PIK3R4: variants seen among roughly 807,000 people sequenced by gnomAD.
The protein encoded by PIK3R4 is phosphoinositide-3-kinase regulatory subunit 4, also known as phosphoinositide 3-kinase regulatory subunit 4.
Under a neutral mutation model 136.5 loss-of-function variants are expected in PIK3R4, and 46 were observed. The observed-to-expected ratio is 0.34, with a 90% CI of 0.27 to 0.43. The LOEUF is 0.43. PIK3R4 is among the 20% of genes least tolerant of loss of function. The pLI is 1.00. For missense variants in PIK3R4, 1,331 were observed against 1,649.5 expected, an observed-to-expected ratio of 0.81 and a Z score of 3.35; for synonymous variants, 557 against 566.7, an observed-to-expected ratio of 0.98 and a Z score of 0.24.
At chr3:130,684,715 G>T (rs2066479768) in intron 15 of PIK3R4, among the ~76,000 whole-genome samples, 1 of 152,230 alleles carries the variant, frequency 6.6e-6, no homozygotes, top group Admixed American at 6.5e-5. Flanking sequence ...AATGAATTTG[G>T]TAAGTCAAAA....
intron 2 of PIK3R4, among the ~76,000 whole-genome samples, chr3:130,737,617 G>A (rs1576464250): frequency 6.6e-6 from 1 of 152,066 alleles, no homozygotes; most frequent in South Asian, 2.1e-4. Flanking sequence ...CAGAGATCGG[G>A]CCACTACACT....
intron 3 of PIK3R4, among the ~76,000 whole-genome samples, 171 bp downstream of exon 3, chr3:130,735,698 A>T (rs1311220109): frequency 6.6e-6 from 1 of 152,220 alleles, no homozygotes; most frequent in Non-Finnish European, 1.5e-5. Flanking sequence ...TGAAGGGGAA[A>T]AAAACAGTAC....
intron 6 of PIK3R4, chr3:130,726,017 G>A: frequency 6.6e-6 from 1 of 152,148 alleles, no homozygotes; most frequent in East Asian, 1.9e-4. Context: ...AATGTGTCAT[G>A]AGTTTTAAAA....
At chr3:130,739,073 T>G (rs1450171988) in intron 2 of PIK3R4, among the ~76,000 whole-genome samples, 1 of 151,348 alleles carries the variant, frequency 6.6e-6, no homozygotes, top group East Asian at 2.0e-4. Flanking sequence ...TTGTTTGTTT[T>G]TTTGTTTTGT....
rs375991665 is a variant in PIK3R4 at position 130,718,502 on chromosome 3, G to A, written c.2014C>T (p.Arg672Cys). Residue 672 changes from arginine to cysteine, a missense_variant, in exon 8 of 20, where the codon CGT (arginine) becomes TGT (cysteine). By Grantham distance (180) the Arg-to-Cys change is radical. Transcript: ENST00000356763. The part of the protein sequence containing the change: ...PFLCHPNLWI[R>C]YGAVGFITVV... ...GTGATAAATCCCACGGCACCATAACGTATCCATAAATTGGGATGACACAGG... is the reference window on the plus strand; with the variant it reads ...GTGATAAATCCCACGGCACCATAACATATCCATAAATTGGGATGACACAGG... 85 of 1,613,596 alleles carry A rather than the reference G, an allele frequency of 5.3e-5. No homozygotes were observed. The highest frequency in any genetic ancestry group is 6.7e-5 in the East Asian group (3 of 44,862).
intron 10 of PIK3R4, among the ~76,000 whole-genome samples, chr3:130,707,420 T>C (rs758125058): frequency 1.3e-5 from 2 of 152,210 alleles, no homozygotes; most frequent in Middle Eastern, 3.2e-3. Flanking sequence ...AACCACTATA[T>C]CTAGTGAATA....
chr3:130,686,724 G>A (rs1189766909), intron 14 of PIK3R4, among the ~76,000 whole-genome samples: 2 of 152,126 alleles, frequency 1.3e-5, no homozygotes, highest in Non-Finnish European at 2.9e-5. Flanking sequence ...AGTACAGAAC[G>A]TGTTCTGATT....
chr3:130,694,491 TTTC>T (rs2107603560), intron 13 of PIK3R4, among the ~76,000 whole-genome samples: 1 of 152,236 alleles, frequency 6.6e-6, no homozygotes, highest in African/African-American at 2.4e-5. Context: ...AATCTTATAC[TTTC>T]TTGTGTAAAA....
intron 14 of PIK3R4, among the ~76,000 whole-genome samples, chr3:130,687,892 A>C (rs2066497978): frequency 6.6e-6 from 1 of 152,180 alleles, no homozygotes; most frequent in Non-Finnish European, 1.5e-5. Flanking sequence ...TAGAAGTACT[A>C]GTTCCTTTTA....
In PIK3R4 at chr3:130,681,602, CAA is replaced by C; in HGVS notation, c.3608-13_3608-12del. On this transcript the variant is annotated splice_polypyrimidine_tract_variant and intron_variant, in intron 16 of 19. Coordinates refer to ENST00000356763, the MANE Select transcript of PIK3R4 (RefSeq NM_014602.3). Reference sequence around the variant, plus strand: ...TGTTGCCCTGAACAGCTAAAGGAAACAAAGGCCAGAATCTTGACTCAGACAAA... The same window carrying C: ...TGTTGCCCTGAACAGCTAAAGGAAACAGGCCAGAATCTTGACTCAGACAAA... The C allele has an allele frequency of 4.6e-6, 7 of 1,514,402 alleles. No individual in the cohort carries two copies. The highest frequency in any genetic ancestry group is 6.4e-6 in the Non-Finnish European group (7 of 1,091,820). The allele number at this position is 1,514,402 out of a possible 1,614,324, so 93.8% of individuals were successfully genotyped here.
chr3:130,688,846 T>C (rs1160047967), intron 14 of PIK3R4, among the ~76,000 whole-genome samples: 2 of 152,216 alleles, frequency 1.3e-5, no homozygotes, highest in African/African-American at 4.8e-5. Context: ...GTGAATCACA[T>C]ACATTCCTGT....
chr3:130,700,320 T>C (rs2066568198), intron 13 of PIK3R4, among the ~76,000 whole-genome samples: 3 of 152,190 alleles, frequency 2.0e-5, no homozygotes. Flanking sequence ...GTTTTCACTG[T>C]GATAGAACTC....
intron 5 of PIK3R4, among the ~76,000 whole-genome samples, chr3:130,730,098 T>C (rs1204375759): frequency 6.6e-6 from 1 of 152,312 alleles, no homozygotes. Context: ...CAATTGACTT[T>C]AGTATCCATG....
At chr3:130,700,716 G>A (rs1322570626) in intron 13 of PIK3R4, among the ~76,000 whole-genome samples, 2 of 152,310 alleles carry the variant, frequency 1.3e-5, no homozygotes, top group African/African-American at 4.8e-5. Flanking sequence ...CATTTCCTAA[G>A]AAAACACATT....
Position 130,708,338 on chromosome 3 carries a change from C to T in PIK3R4, c.2486G>A (p.Arg829Lys). The change falls in exon 10 of 20, where the codon AGA (arginine) becomes AAA (lysine). Residue 829 changes from arginine to lysine, a missense_variant. Around this residue, in one of 2 missense-constraint regions of PIK3R4, gnomAD observed 1,180 missense variants for 1,407.0 expected, o/e 0.84. Coordinates refer to ENST00000356763, the MANE Select transcript of PIK3R4 (RefSeq NM_014602.3). ...IDLAALGITGRQVDLVKTKQE... is the reference protein window; with the variant it reads ...IDLAALGITGKQVDLVKTKQE... ...TTTGGTTTTAACAAGATCAACTTGT[C>T]TCCCAGTTATGCCTAAAGCTGCCAA... 1 of 1,613,828 alleles carries T rather than the reference C, an allele frequency of 6.2e-7. No homozygotes were observed.
Position 130,679,356 on chromosome 3 carries a change from C to A in PIK3R4, c.4036G>T (p.Val1346Leu). 6.2e-7 allele frequency: 1 copy of A among 1,610,900 alleles called. No individual in the cohort carries two copies. The highest frequency in any genetic ancestry group is 8.5e-7 in the Non-Finnish European group (1 of 1,177,898). Reference sequence around the variant, plus strand: ...ACAATCCCATCTCTAGAAGCAGTTACGATGAAGCCCTGTGTGGTCTGGAAT... The same window carrying A: ...ACAATCCCATCTCTAGAAGCAGTTAAGATGAAGCCCTGTGTGGTCTGGAAT... ...ATFQTTQGFI[V>L]TASRDGIVKV... The change falls in exon 20 of 20, where the codon GTA becomes TTA. Residue 1346 changes from valine (V) to leucine (L), a missense_variant. Around this residue, in one of 2 missense-constraint regions of PIK3R4, gnomAD observed 1,180 missense variants for 1,407.0 expected, o/e 0.84. Transcript: ENST00000356763.
At chr3:130,726,450 C>T (rs983542245) in intron 6 of PIK3R4, among the ~76,000 whole-genome samples, 7 of 151,942 alleles carry the variant, frequency 4.6e-5, no homozygotes. Flanking sequence ...GTAAACTAAG[C>T]CACAAAAAAA....
chr3:130,723,330 A>G (rs1230420612), intron 7 of PIK3R4, 84 bp downstream of exon 7: 1 of 1,169,378 alleles, frequency 8.6e-7, no homozygotes, highest in African/African-American at 1.6e-5. Flanking sequence ...TAGCAGGAAC[A>G]ATAAAGTTGC....
At chr3:130,689,109 CA>C (rs1469354967) in intron 14 of PIK3R4, among the ~76,000 whole-genome samples, 1 of 152,176 alleles carries the variant, frequency 6.6e-6, no homozygotes, top group Non-Finnish European at 1.5e-5. Flanking sequence ...CCAAAACAAT[CA>C]AAAACTTATG....
Sources: allele counts gnomAD v4.1 joint callset (sites outside exome capture counted in the v4.1 genomes callset), GRCh38; gene constraint gnomAD v4.1.1; regional missense constraint gnomAD v4.1.1; transcripts MANE v1.5; gene names NCBI Gene and HGNC (gene_info 2026-07-23, HGNC 2026-07-21).